Variants in TOP2B observed in about 807,000 individuals in gnomAD.
TOP2B encodes DNA topoisomerase 2-beta.
In TOP2B, 51 loss-of-function variants were observed where a neutral mutation model predicts 193.5. The ratio of observed to expected loss-of-function variants is 0.26; its 90% CI spans 0.21 to 0.33. The LOEUF (loss-of-function observed/expected upper bound fraction) is 0.33, where lower values mean the gene tolerates loss of function less well. Among genes scored for constraint, TOP2B ranks in the 10% least tolerant of loss-of-function variants. The probability of loss-of-function intolerance (pLI) is 1.00; values close to 1 mark genes in which losing one functional copy is unlikely to be tolerated. For synonymous variants in TOP2B, 634 were observed against 635.7 expected (o/e 1.00, Z 0.04); for missense variants, 1,378 against 1,909.3 (o/e 0.72, Z 5.19).
intron 31 of TOP2B, among the ~76,000 whole-genome samples, chr3:25,606,859 C>T (rs931733718): frequency 3.3e-5 from 5 of 152,172 alleles, no homozygotes; most frequent in Non-Finnish European, 7.4e-5. Flanking sequence ...CATGGCTACA[C>T]TGATTTATTT....
rs199715264 is a variant in TOP2B at position 25,634,791 on chromosome 3, A to C, written c.853-777T>G. On this transcript the variant is annotated intron_variant, in intron 7 of 35. Coordinates refer to ENST00000264331, the MANE Select transcript of TOP2B (RefSeq NM_001330700.2). ...TATCTCCCTTACCAAAAAAAAAAAA[A>C]AAAAAACCAAAAAAAGGCTTATTCT... Among the ~76,000 whole-genome samples, 15 of 138,472 alleles carry C rather than the reference A, an allele frequency of 1.1e-4. 1 individual carries two copies. Among genetic ancestry groups the C allele is most frequent in the East Asian group, 8.4e-4 (4 of 4,782 alleles). The allele number at this position is 138,472 out of a possible 152,430, so 90.8% of individuals were successfully genotyped here. A position where few individuals can be genotyped will look rare whatever the true frequency, so the allele number is the denominator to read the frequency against.
In TOP2B at chr3:25,602,919, G is replaced by A. The variant is rs543823106; in HGVS notation, c.4490-1694C>T. ...ATATGATGCATCCTCTTCTTGAAAT[G>A]ATATTTTATTGGAATTATATTTCGT... is the stretch of plus-strand genomic sequence containing the variant. On this transcript the variant is annotated intron_variant, in intron 33 of 35. Transcript: ENST00000264331. Among the ~76,000 whole-genome samples, 3 of 152,304 alleles carry A rather than the reference G, an allele frequency of 2.0e-5. No individual in the cohort carries two copies. The East Asian group carries it at 5.8e-4, about 29-fold the overall frequency.
intron 35 of TOP2B, among the ~76,000 whole-genome samples, chr3:25,599,012 G>C (rs973628677): frequency 5.3e-5 from 8 of 151,974 alleles, no homozygotes; most frequent in Non-Finnish European, 1.0e-4. Context: ...AAAAGAAATA[G>C]TGTACTTCTG....
intron 4 of TOP2B, among the ~76,000 whole-genome samples, chr3:25,639,118 G>A (rs1703185575): frequency 6.6e-6 from 1 of 151,928 alleles, no homozygotes; most frequent in African/African-American, 2.4e-5. Context: ...ATAATATGTT[G>A]AATAAAGGGA....
At chr3:25,642,784 T>G (rs533365500) in intron 3 of TOP2B, among the ~76,000 whole-genome samples, 1 of 152,182 alleles carries the variant, frequency 6.6e-6, no homozygotes, top group Non-Finnish European at 1.5e-5. Flanking sequence ...AGTGACTTTA[T>G]AGGCATATTG....
chr3:25,627,334 C>T (rs748356501), intron 15 of TOP2B, 38 bp from the exon 16 acceptor site: 6 of 1,354,350 alleles, frequency 4.4e-6, no homozygotes, highest in Non-Finnish European at 6.1e-6. Flanking sequence ...TCATGAATAT[C>T]AATGTCTGTT....
intron 25 of TOP2B, 154 bp downstream of exon 25, chr3:25,618,264 T>C: frequency 1.6e-6 from 1 of 611,328 alleles, no homozygotes; most frequent in Non-Finnish European, 2.9e-6. Context: ...CTGTACTTTA[T>C]CTGTTCTGTG....
rs1704023752 is a variant in TOP2B, at chr3:25,664,367, C to CCCCGCCGCTCCGCA, written c.-84_-71dup. 7.2e-7 allele frequency: 1 copy of CCCCGCCGCTCCGCA among 1,380,344 alleles called. No individual in the cohort carries two copies. Among genetic ancestry groups the CCCCGCCGCTCCGCA allele is most frequent in the African/African-American group, 1.5e-5 (1 of 65,200 alleles). 85.5% of individuals were successfully genotyped at this position (1,380,344 alleles called of 1,614,324 possible). Reference sequence around the variant, plus strand: ...TCCCGCCTCCCTGCGGGCCGCTGGGCCCCGCCGCTCCGCACCCACCGCTCC... The same window carrying CCCCGCCGCTCCGCA: ...TCCCGCCTCCCTGCGGGCCGCTGGGCCCCGCCGCTCCGCACCCGCCGCTCCGCACCCACCGCTCC... On this transcript the variant is annotated 5_prime_UTR_variant, in exon 1 of 36. Transcript: ENST00000264331.
chr3:25,621,417 C>T (rs567566193), intron 21 of TOP2B, among the ~76,000 whole-genome samples: 1 of 152,010 alleles, frequency 6.6e-6, no homozygotes, highest in Non-Finnish European at 1.5e-5. Flanking sequence ...GCTGGAGTGC[C>T]GTGGCACGAT....
chr3:25,649,581 T>C (rs1274233760), intron 1 of TOP2B, among the ~76,000 whole-genome samples: 3 of 150,050 alleles, frequency 2.0e-5, no homozygotes, highest in Admixed American at 1.3e-4. Flanking sequence ...ATAGAAGGGA[T>C]TGGAAGAATA....
chr3:25,655,125 A>T (rs934490726), intron 1 of TOP2B, among the ~76,000 whole-genome samples: 2 of 152,198 alleles, frequency 1.3e-5, no homozygotes, highest in Admixed American at 1.3e-4. Context: ...CAGCGTATGG[A>T]ATGGAGAAAA....
At chr3:25,605,544 A>G (rs1702215812) in intron 32 of TOP2B, among the ~76,000 whole-genome samples, 1 of 152,094 alleles carries the variant, frequency 6.6e-6, no homozygotes, top group Non-Finnish European at 1.5e-5. Context: ...AATGATAGTG[A>G]ATCAATTAAG....
chr3:25,641,732 T>C (rs1302290820), intron 4 of TOP2B, among the ~76,000 whole-genome samples: 1 of 152,088 alleles, frequency 6.6e-6, no homozygotes, highest in Non-Finnish European at 1.5e-5. Context: ...CTTAAAATCA[T>C]GCTAAATTAC....
chr3:25,612,378 T>C, intron 28 of TOP2B, 137 bp downstream of exon 28: 7 of 608,592 alleles, frequency 1.2e-5, no homozygotes, highest in Non-Finnish European at 1.8e-5. Context: ...ACTGCTGTCA[T>C]AGAAGGATTT....
chr3:25,622,100 G>C (rs936336265), intron 21 of TOP2B, among the ~76,000 whole-genome samples: 1 of 152,116 alleles, frequency 6.6e-6, no homozygotes, highest in South Asian at 2.1e-4. Context: ...AAGCCTTGAT[G>C]CTTTGATGTC....
intron 4 of TOP2B, among the ~76,000 whole-genome samples, chr3:25,640,667 A>G (rs1473331729): frequency 2.6e-5 from 4 of 152,150 alleles, no homozygotes; most frequent in Non-Finnish European, 5.9e-5. Flanking sequence ...TCTTTCTACA[A>G]AATCTGTAAT....
chr3:25,638,047 T>C (rs988148008), intron 5 of TOP2B, 118 bp downstream of exon 5: 35 of 977,900 alleles, frequency 3.6e-5, no homozygotes, highest in Non-Finnish European at 5.2e-5. Context: ...TGATAGTTTA[T>C]AAATATTAAT....
In TOP2B at chr3:25,644,559, G is replaced by T. The variant is rs1416970601; in HGVS notation, c.240+741C>A. On this transcript the variant is annotated intron_variant, in intron 2 of 35. Transcript: ENST00000264331. Reference sequence around the variant, plus strand: ...CTACTAACAACACAAAAATTAGCCAGGCGTGGTGGCGCATGCCTGTAATCC... The same window carrying T: ...CTACTAACAACACAAAAATTAGCCATGCGTGGTGGCGCATGCCTGTAATCC... Among the ~76,000 whole-genome samples the T allele has an allele frequency of 3.9e-5, 6 of 151,912 alleles. No homozygotes were observed. The East Asian group carries it at 9.9e-4, about 25-fold the overall frequency.
At chr3:25,641,028 T>C (rs939857144) in intron 4 of TOP2B, among the ~76,000 whole-genome samples, 4 of 152,136 alleles carry the variant, frequency 2.6e-5, no homozygotes, top group Non-Finnish European at 5.9e-5. Flanking sequence ...GGGATCTGCC[T>C]GACTCAGCCT....
Sources: gnomAD v4.1 joint callset for allele counts (sites outside exome capture counted in the v4.1 genomes callset) on GRCh38, gnomAD v4.1.1 for gene constraint, MANE v1.5 for transcripts, NCBI Gene and HGNC (gene_info 2026-07-23, HGNC 2026-07-21) for gene names.